The following GRM7 variants were observed in gnomAD, a reference collection of about 807,000 sequenced individuals.
GRM7 encodes the protein glutamate metabotropic receptor 7.
In GRM7, 35 loss-of-function variants were observed where a neutral mutation model predicts 84.5. The ratio of observed to expected loss-of-function variants is 0.41; its 90% CI spans 0.32 to 0.55. The LOEUF (loss-of-function observed/expected upper bound fraction) is 0.55, where lower values mean the gene tolerates loss of function less well. Ranked by LOEUF, GRM7 falls within the 20% of genes least tolerant of loss-of-function variation. The pLI is 0.19. For missense variants in GRM7, 1,003 were observed against 1,194.6 expected, an observed-to-expected ratio of 0.84 and a Z score of 2.36; for synonymous variants, 487 against 455.1, an observed-to-expected ratio of 1.07 and a Z score of -0.89.
intron 4 of GRM7, among the ~76,000 whole-genome samples, chr3:7,370,410 C>T (rs1694082986): frequency 6.6e-6 from 1 of 152,064 alleles, no homozygotes; most frequent in Non-Finnish European, 1.5e-5. Flanking sequence ...TTGTAGTTCC[C>T]ATAATTCCCA....
intron 1 of GRM7, among the ~76,000 whole-genome samples, chr3:7,083,811 G>A (rs1238526245): frequency 6.6e-6 from 1 of 152,034 alleles, no homozygotes; most frequent in East Asian, 1.9e-4. Context: ...AAAATCAAAG[G>A]CCTTTCTGAT....
chr3:7,304,776 T>C (rs946253626), intron 3 of GRM7, among the ~76,000 whole-genome samples: 6 of 152,150 alleles, frequency 3.9e-5, no homozygotes, highest in Non-Finnish European at 8.8e-5. Context: ...TGATTAAAGA[T>C]ATGATCATTC....
chr3:7,399,395 G>A (rs1338955150), intron 4 of GRM7, among the ~76,000 whole-genome samples: 1 of 152,000 alleles, frequency 6.6e-6, no homozygotes, highest in Non-Finnish European at 1.5e-5. Context: ...TATAATTGAG[G>A]GCCTCACAGC....
chr3:7,104,392 G>A (rs1699229560), intron 1 of GRM7, among the ~76,000 whole-genome samples: 1 of 151,586 alleles, frequency 6.6e-6, no homozygotes, highest in Non-Finnish European at 1.5e-5. Context: ...TGATTTTTAA[G>A]CCACCAATTT....
At chr3:7,595,618 C>G in intron 8 of GRM7, among the ~76,000 whole-genome samples, 1 of 151,906 alleles carries the variant, frequency 6.6e-6, no homozygotes, top group Middle Eastern at 3.4e-3. Context: ...AGTGAGAGGG[C>G]GGTCAGGGAT....
chr3:7,390,632 T>C (rs1162159995), intron 4 of GRM7, among the ~76,000 whole-genome samples: 2 of 152,174 alleles, frequency 1.3e-5, no homozygotes, highest in African/African-American at 4.8e-5. Context: ...TTTCTTCTGT[T>C]TCACTTAGTC....
chr3:7,026,335 C>G (rs889533139), intron 1 of GRM7, among the ~76,000 whole-genome samples: 1 of 152,174 alleles, frequency 6.6e-6, no homozygotes, highest in Non-Finnish European at 1.5e-5. Context: ...AAAAGAAATA[C>G]CATCATATGA....
chr3:7,272,487 C>A (rs1005143463), intron 2 of GRM7, among the ~76,000 whole-genome samples: 5 of 152,084 alleles, frequency 3.3e-5, no homozygotes, highest in Non-Finnish European at 5.9e-5. Flanking sequence ...AGGCTTGGTG[C>A]TTTCTGTTTT....
intron 7 of GRM7, among the ~76,000 whole-genome samples, chr3:7,498,083 T>C (rs1360150188): frequency 6.6e-6 from 1 of 152,182 alleles, no homozygotes; most frequent in East Asian, 1.9e-4. Flanking sequence ...AAAAGAAGTA[T>C]CCTCTCTTCA....
At chr3:7,403,825 A>T (rs1695562410) in intron 4 of GRM7, among the ~76,000 whole-genome samples, 1 of 151,192 alleles carries the variant, frequency 6.6e-6, no homozygotes, top group Non-Finnish European at 1.5e-5. Flanking sequence ...GTGTGTGTGG[A>T]TGGATGGATA....
intron 2 of GRM7, among the ~76,000 whole-genome samples, chr3:7,215,563 G>A (rs1696576865): frequency 6.6e-6 from 1 of 152,024 alleles, no homozygotes; most frequent in Non-Finnish European, 1.5e-5. Context: ...TACTCGGGAG[G>A]CTGAGGCAGA....
chr3:7,720,622 G>T (rs1024125221), intron 9 of GRM7, among the ~76,000 whole-genome samples: 2 of 152,190 alleles, frequency 1.3e-5, no homozygotes, highest in East Asian at 3.8e-4. Flanking sequence ...TACAGCATTT[G>T]CAGCTTCCTG....
At chr3:6,886,468 C>T (rs750889282) in intron 1 of GRM7, among the ~76,000 whole-genome samples, 39 of 152,078 alleles carry the variant, frequency 2.6e-4, no homozygotes, top group Non-Finnish European at 4.1e-4. Flanking sequence ...ATATTGTGCA[C>T]ATGTACCTTA....
At chr3:7,497,501 T>G (rs1699748021) in intron 7 of GRM7, among the ~76,000 whole-genome samples, 1 of 152,172 alleles carries the variant, frequency 6.6e-6, no homozygotes, top group African/African-American at 2.4e-5. Context: ...AGTGCGTGGC[T>G]CGATTTATTT....
At chr3:6,918,744 T>C (rs992336746) in intron 1 of GRM7, among the ~76,000 whole-genome samples, 3 of 152,050 alleles carry the variant, frequency 2.0e-5, no homozygotes, top group African/African-American at 7.2e-5. Context: ...AGGAGAAGAT[T>C]AAAGGCTCAG....
At position 7,307,016 on chromosome 3, in the gene GRM7, T is replaced by C. The variant is rs558648525; in HGVS notation, c.1033+364T>C. Among the ~76,000 whole-genome samples the C allele has an allele frequency of 2.9e-3, 446 of 152,230 alleles. 3 individuals carry two copies. The highest frequency in any genetic ancestry group is 0.01 in the African/African-American group (420 of 41,566). The stretch of plus-strand genomic sequence containing the variant: ...GAGAATCCTTTCACTTTGTAACGCA[T>C]CCATTATTTCCTTATTAGAAGAAGT... On this transcript the variant is annotated intron_variant, in intron 4 of 9. Transcript: ENST00000357716.
At chr3:7,183,583 C>T (rs772184215) in intron 2 of GRM7, among the ~76,000 whole-genome samples, 61 of 151,954 alleles carry the variant, frequency 4.0e-4, no homozygotes, top group Non-Finnish European at 8.1e-4. Flanking sequence ...GCCAAGATCA[C>T]GCCACTGCAC....
chr3:7,334,862 A>G (rs1401659888), intron 4 of GRM7, among the ~76,000 whole-genome samples: 6 of 152,128 alleles, frequency 3.9e-5, no homozygotes, highest in Non-Finnish European at 8.8e-5. Flanking sequence ...TAACAGGAAA[A>G]TATGACATAA....
At chr3:7,736,845 C>T (rs1488304652) in intron 9 of GRM7, among the ~76,000 whole-genome samples, 1 of 152,092 alleles carries the variant, frequency 6.6e-6, no homozygotes, top group Non-Finnish European at 1.5e-5. Flanking sequence ...TATTCACATA[C>T]ACATCTATAC....
Sources: allele counts gnomAD v4.1 joint callset (sites outside exome capture counted in the v4.1 genomes callset), GRCh38; gene constraint gnomAD v4.1.1; transcripts MANE v1.5; gene names NCBI Gene and HGNC (gene_info 2026-07-23, HGNC 2026-07-21).